DCUN1D1: variants seen among roughly 807,000 people sequenced by gnomAD.
DCUN1D1 encodes the protein defective in cullin neddylation 1 domain containing 1, also known as DCN1-like protein 1.
In DCUN1D1, 3 loss-of-function variants were observed where a neutral mutation model predicts 39.0. That is an observed-to-expected ratio of 0.08 (90% CI 0.04 to 0.20). The LOEUF (loss-of-function observed/expected upper bound fraction) is 0.20, where lower values mean the gene tolerates loss of function less well. Ranked by LOEUF, DCUN1D1 falls within the 10% of genes least tolerant of loss-of-function variation. The probability of loss-of-function intolerance (pLI) is 1.00; values close to 1 mark genes in which losing one functional copy is unlikely to be tolerated. For missense variants in DCUN1D1, 158 were observed against 302.4 expected, an observed-to-expected ratio of 0.52 and a Z score of 3.54; for synonymous variants, 82 against 96.3, an observed-to-expected ratio of 0.85 and a Z score of 0.87.
chr3:182,979,031 C>T (rs1434484398), intron 1 of DCUN1D1, among the ~76,000 whole-genome samples: 1 of 152,204 alleles, frequency 6.6e-6, no homozygotes, highest in Non-Finnish European at 1.5e-5. Flanking sequence ...GCTTACTATA[C>T]TTATCTAAAT....
Position 182,941,170 on chromosome 3 carries a change from GA to G in DCUN1D1, c.*3923del, listed in dbSNP as rs1433053240. On this transcript the variant is annotated 3_prime_UTR_variant, in exon 7 of 7. Transcript: ENST00000292782. ...ATTTATGTAACTATATTATGAGTTT[GA>G]AAAAACAGCACTATTTGCCTCCAGA... The G allele has an allele frequency of 3.9e-5, 6 of 151,982 alleles. No homozygotes were observed. The highest frequency in any genetic ancestry group is 1.4e-4 in the African/African-American group (6 of 41,422). The allele number at this position is 151,982 out of a possible 1,614,324, so 9.4% of individuals were successfully genotyped here. A position where few individuals can be genotyped will look rare whatever the true frequency, so the allele number is the denominator to read the frequency against.
intron 1 of DCUN1D1, among the ~76,000 whole-genome samples, chr3:182,969,512 A>G (rs942467446): frequency 3.9e-5 from 6 of 152,216 alleles, no homozygotes; most frequent in Non-Finnish European, 8.8e-5. Context: ...GAGCAAAACC[A>G]TGTGACAGCT....
chr3:182,980,718 A>T (rs1329850639), upstream of DCUN1D1: 6 of 192,990 alleles, frequency 3.1e-5, no homozygotes, highest in Non-Finnish European at 3.4e-5. Flanking sequence ...TCCCCCGGGG[A>T]GTGGGCGGGG....
intron 4 of DCUN1D1, among the ~76,000 whole-genome samples, chr3:182,952,342 A>G (rs1333936923): frequency 6.6e-6 from 1 of 152,162 alleles, no homozygotes; most frequent in Non-Finnish European, 1.5e-5. Context: ...GTGTGTCAAC[A>G]ATAACCACTT....
At chr3:182,969,505 CA>C (rs1393441814) in intron 1 of DCUN1D1, among the ~76,000 whole-genome samples, 1 of 152,120 alleles carries the variant, frequency 6.6e-6, no homozygotes, top group African/African-American at 2.4e-5. Flanking sequence ...TTCCCAAGAG[CA>C]AAACCATGTG....
rs777715843 is a variant in DCUN1D1 at position 182,947,532 on chromosome 3, T to A, written c.603+18A>T. On this transcript the variant is annotated intron_variant, in intron 5 of 6. Transcript: ENST00000292782. ...GAATTTGAGAAAACAGAGAGAAATG[T>A]AGAAAATGTGAACTTACCAACAAAA... 6 of 1,401,454 alleles carry A rather than the reference T, an allele frequency of 4.3e-6. No individual in the cohort carries two copies. The highest frequency in any genetic ancestry group is 1.0e-6 in the Non-Finnish European group (1 of 996,216). The allele number at this position is 1,401,454 out of a possible 1,614,324, so 86.8% of individuals were successfully genotyped here. A position where few individuals can be genotyped will look rare whatever the true frequency, so the allele number is the denominator to read the frequency against.
chr3:182,944,829 G>T lies in DCUN1D1; in HGVS notation c.*265C>A, dbSNP rs1726313081. 2.9e-6 allele frequency: 1 copy of T among 344,080 alleles called. No individual in the cohort carries two copies. The highest frequency in any genetic ancestry group is 5.3e-6 in the Non-Finnish European group (1 of 188,160). 21.3% of individuals were successfully genotyped at this position (344,080 alleles called of 1,614,324 possible). On this transcript the variant is annotated 3_prime_UTR_variant, in exon 7 of 7. Coordinates refer to ENST00000292782, the MANE Select transcript of DCUN1D1 (RefSeq NM_020640.4). ...CTAAGACTTATGGGAGAATAAACTA[G>T]GATGGTCCACAGATATAAGATGAAA...
chr3:182,962,406 A>T (rs1727445196), intron 3 of DCUN1D1, among the ~76,000 whole-genome samples: 1 of 152,230 alleles, frequency 6.6e-6, no homozygotes. Flanking sequence ...CTGGAAGAGG[A>T]AGAAGGAACT....
chr3:182,961,354 C>T lies in DCUN1D1; in HGVS notation c.392G>A (p.Cys131Tyr), dbSNP rs370774289. 2.5e-5 allele frequency: 39 copies of T among 1,585,216 alleles called. No individual in the cohort carries two copies. The highest frequency in any genetic ancestry group is 3.2e-5 in the Non-Finnish European group (38 of 1,171,248). ...EFMDGMTELG[C>Y]DSIEKLKAQI... ...GGCCTTTAGTTTTTCTATGCTGTCA[C>T]ATCTGCGTCGTAAAATTAAGTTTAT... Residue 131 changes from cysteine (C) to tyrosine (Y), a missense_variant and splice_region_variant, in exon 4 of 7, where the codon TGT (cysteine) becomes TAT (tyrosine). Transcript: ENST00000292782.
chr3:182,943,053 T>C lies in DCUN1D1; in HGVS notation c.*2041A>G, dbSNP rs1034770186. 2.9e-5 allele frequency: 4 copies of C among 139,982 alleles called. No homozygotes were observed. Among genetic ancestry groups the C allele is most frequent in the African/African-American group, 1.1e-4 (4 of 37,114 alleles). 8.7% of individuals were successfully genotyped at this position (139,982 alleles called of 1,614,324 possible). A position where few individuals can be genotyped will look rare whatever the true frequency, so the allele number is the denominator to read the frequency against. ...GGTTTTGCATTTAAAAAGAAAAATA[T>C]GTAAAATCCAAGGCACTAGGCCACG... is the stretch of plus-strand genomic sequence containing the variant. On this transcript the variant is annotated 3_prime_UTR_variant, in exon 7 of 7. Coordinates refer to ENST00000292782, the MANE Select transcript of DCUN1D1 (RefSeq NM_020640.4).
rs1221548230 is a variant in DCUN1D1, at chr3:182,980,184, G to A, written c.3+303C>T. On this transcript the variant is annotated intron_variant, in intron 1 of 6. Coordinates refer to ENST00000292782, the MANE Select transcript of DCUN1D1 (RefSeq NM_020640.4). ...CCCCGCCCCAACGCCTCCCCCACCC[G>A]CGCCGGGCCCCGGCAAGGGGCACCG... The A allele has an allele frequency of 6.4e-6, 3 of 470,992 alleles. No individual in the cohort carries two copies. In the East Asian group the frequency reaches 5.4e-4, roughly 84 times the overall value. 29.2% of individuals were successfully genotyped at this position (470,992 alleles called of 1,614,324 possible). A position where few individuals can be genotyped will look rare whatever the true frequency, so the allele number is the denominator to read the frequency against.
intron 4 of DCUN1D1, chr3:182,955,583 C>G (rs543009490): frequency 2.1e-6 from 1 of 484,688 alleles, no homozygotes; most frequent in East Asian, 5.3e-5. Context: ...CATACTCCAT[C>G]AGGAGGGTTT....
chr3:182,980,544 G>C, upstream of DCUN1D1: 4 of 1,189,776 alleles, frequency 3.4e-6, no homozygotes, highest in Non-Finnish European at 4.2e-6. Context: ...CGAATGGACG[G>C]CGGCGGCGGC....
rs1726012824 is a variant in DCUN1D1 at position 182,939,048 on chromosome 3, A to C, written c.*6046T>G. 1 of 152,246 alleles carries C rather than the reference A, an allele frequency of 6.6e-6. No individual in the cohort carries two copies. Among genetic ancestry groups the C allele is most frequent in the Non-Finnish European group, 1.5e-5 (1 of 68,038 alleles). 9.4% of individuals were successfully genotyped at this position (152,246 alleles called of 1,614,324 possible). On this transcript the variant is annotated 3_prime_UTR_variant, in exon 7 of 7. Transcript: ENST00000292782. ...CTGACTACAGAAAATACTACCTCCA[A>C]GAGAGTACATGTCTACTAGAGTAAC...
chr3:182,957,581 A>G (rs1260118299), intron 4 of DCUN1D1, among the ~76,000 whole-genome samples: 1 of 151,630 alleles, frequency 6.6e-6, no homozygotes, highest in East Asian at 1.9e-4. Flanking sequence ...AGCTACGATC[A>G]TGGCACTACA....
chr3:182,965,277 CAT>C (rs948804549), intron 2 of DCUN1D1, among the ~76,000 whole-genome samples: 2 of 152,100 alleles, frequency 1.3e-5, no homozygotes, highest in African/African-American at 4.8e-5. Context: ...GAGTTTTATA[CAT>C]ATGAGGGCAG....
At chr3:182,965,901 T>G in intron 1 of DCUN1D1, 148 bp from the exon 2 acceptor site, 2 of 627,276 alleles carry the variant, frequency 3.2e-6, no homozygotes, top group South Asian at 4.2e-5. Context: ...TGATCTATTA[T>G]TCATCAGAAA....
upstream of DCUN1D1, among the ~76,000 whole-genome samples, chr3:182,981,358 G>T (rs1293180966): frequency 6.6e-6 from 1 of 152,180 alleles, no homozygotes; most frequent in Non-Finnish European, 1.5e-5. Flanking sequence ...GTCTAGTCAC[G>T]CAGGGCGGAC....
Position 182,941,889 on chromosome 3 carries a change from C to T in DCUN1D1, c.*3205G>A, listed in dbSNP as rs183431465. 2.6e-5 allele frequency: 4 copies of T among 152,138 alleles called. No individual in the cohort carries two copies. The highest frequency in any genetic ancestry group is 1.3e-4 in the Admixed American group (2 of 15,272). The allele number at this position is 152,138 out of a possible 1,614,324, so 9.4% of individuals were successfully genotyped here. Reference sequence around the variant, plus strand: ...TGAAAATTACAGAAGGTTTACAATACGTAGTCTTAATAGTAACATGTTTAA... The same window carrying T: ...TGAAAATTACAGAAGGTTTACAATATGTAGTCTTAATAGTAACATGTTTAA... On this transcript the variant is annotated 3_prime_UTR_variant, in exon 7 of 7. Coordinates refer to ENST00000292782, the MANE Select transcript of DCUN1D1 (RefSeq NM_020640.4).
Sources: gnomAD v4.1 joint callset for allele counts (sites outside exome capture counted in the v4.1 genomes callset) on GRCh38, gnomAD v4.1.1 for gene constraint, MANE v1.5 for transcripts, NCBI Gene and HGNC (gene_info 2026-07-23, HGNC 2026-07-21) for gene names.